GRIP1: variants seen among roughly 807,000 people sequenced by gnomAD.
GRIP1 encodes glutamate receptor-interacting protein 1.
GRIP1 carries 45 observed loss-of-function variants against 129.9 expected under a neutral mutation model. That is an observed-to-expected ratio of 0.35 (90% confidence interval 0.27 to 0.44). GRIP1 has a LOEUF of 0.44. Among genes scored for constraint, GRIP1 ranks in the 20% least tolerant of loss-of-function variants. The probability of loss-of-function intolerance (pLI) is 1.00; values close to 1 mark genes in which losing one functional copy is unlikely to be tolerated. For missense variants in GRIP1, 1,196 were observed against 1,396.8 expected (o/e 0.86, Z 2.29); for synonymous variants, 530 against 520.8 (o/e 1.02, Z -0.24).
rs1044214336 is a variant in GRIP1, at chr12:66,916,419, G to A, written c.58+152631C>T. Among the ~76,000 whole-genome samples, 7 of 152,132 alleles carry A rather than the reference G, an allele frequency of 4.6e-5. No individual in the cohort carries two copies. In the East Asian group the frequency reaches 1.4e-3, roughly 29 times the overall value. ...TTTATGCCTAATCAGGTTTAGGCAT[G>A]TAGAATTCAGCTCTCCTGGGAAGTC... On this transcript the variant is annotated intron_variant, in intron 1 of 1. Coordinates refer to the GRIP1 transcript ENST00000643019.
chr12:66,587,826 G>A (rs1019572911), intron 2 of GRIP1, among the ~76,000 whole-genome samples: 3 of 152,150 alleles, frequency 2.0e-5, no homozygotes, highest in Non-Finnish European at 4.4e-5. Flanking sequence ...GGTTCCAGGG[G>A]TGCAATCAAA....
intron 5 of GRIP1, among the ~76,000 whole-genome samples, chr12:66,528,904 A>G (rs1203105550): frequency 1.3e-5 from 2 of 152,180 alleles, no homozygotes; most frequent in Non-Finnish European, 2.9e-5. Flanking sequence ...CCAACAAAGG[A>G]CTAATATCCA....
chr12:66,491,241 A>C (rs2060096189), intron 7 of GRIP1, among the ~76,000 whole-genome samples: 1 of 152,254 alleles, frequency 6.6e-6, no homozygotes. Context: ...AGACTGGATA[A>C]AGAAAATGTG....
intron 1 of GRIP1, among the ~76,000 whole-genome samples, chr12:66,776,921 CATT>C (rs1455341074): frequency 6.6e-6 from 1 of 152,106 alleles, no homozygotes; most frequent in African/African-American, 2.4e-5. Context: ...TTGTAGCTGT[CATT>C]ATTAGGAATT....
At chr12:66,521,628 TCACTAGGG>T (rs757941193) in intron 5 of GRIP1, among the ~76,000 whole-genome samples, 29 of 152,142 alleles carry the variant, frequency 1.9e-4, no homozygotes, top group Admixed American at 3.9e-4. Flanking sequence ...CAGGTTCATC[TCACTAGGG>T]AGTGCCAGAC....
At chr12:66,911,279 T>C (rs1040051572) in intron 1 of GRIP1, among the ~76,000 whole-genome samples, 4 of 152,218 alleles carry the variant, frequency 2.6e-5, no homozygotes, top group Non-Finnish European at 5.9e-5. Flanking sequence ...TGGTTGATTA[T>C]GCTTTTAACA....
intron 1 of GRIP1, among the ~76,000 whole-genome samples, chr12:66,719,938 G>A (rs1261797280): frequency 6.6e-6 from 1 of 152,170 alleles, no homozygotes; most frequent in Non-Finnish European, 1.5e-5. Context: ...ATCACACAAT[G>A]AGTTTGGAGC....
At chr12:66,643,999 CT>C (rs1159260213) in intron 1 of GRIP1, among the ~76,000 whole-genome samples, 4 of 152,090 alleles carry the variant, frequency 2.6e-5, no homozygotes, top group African/African-American at 9.7e-5. Context: ...TCCCATATGG[CT>C]GGGGAGGCCT....
chr12:66,978,755 C>A (rs1055619804), intron 1 of GRIP1, among the ~76,000 whole-genome samples: 11 of 152,176 alleles, frequency 7.2e-5, no homozygotes, highest in Non-Finnish European at 1.6e-4. Flanking sequence ...AAACAAAAAA[C>A]TATTTTAAAA....
intron 13 of GRIP1, among the ~76,000 whole-genome samples, chr12:66,440,411 TC>T (rs1807476035): frequency 6.6e-6 from 1 of 152,208 alleles, no homozygotes; most frequent in African/African-American, 2.4e-5. Flanking sequence ...TCTTATTCAT[TC>T]TTTCCAAATT....
At chr12:66,936,610 A>T (rs1487096851) in intron 1 of GRIP1, among the ~76,000 whole-genome samples, 2 of 152,038 alleles carry the variant, frequency 1.3e-5, no homozygotes, top group Non-Finnish European at 2.9e-5. Context: ...GAATTATCAA[A>T]CCTGAGGGAA....
intron 1 of GRIP1, among the ~76,000 whole-genome samples, chr12:66,896,428 A>G (rs938968751): frequency 6.6e-6 from 1 of 151,590 alleles, no homozygotes. Flanking sequence ...CTTCAATGGG[A>G]ACTGAAAGTC....
intron 1 of GRIP1, among the ~76,000 whole-genome samples, chr12:66,834,241 G>C (rs1214245859): frequency 6.7e-6 from 1 of 150,140 alleles, no homozygotes; most frequent in Non-Finnish European, 1.5e-5. Context: ...AGACTAATGA[G>C]TTAGGTATTA....
chr12:66,891,037 T>G lies in GRIP1; in HGVS notation c.58+178013A>C, dbSNP rs544029165. ...TTATTCTAAAATTACATAGTGCATT[T>G]AAACAGCAATTTTATAATTGTTATA... On this transcript the variant is annotated intron_variant, in intron 1 of 1. Transcript: ENST00000643019. Among the ~76,000 whole-genome samples, 16 of 152,358 alleles carry G rather than the reference T, an allele frequency of 1.1e-4. 1 individual carries two copies. Among genetic ancestry groups the G allele is most frequent in the Admixed American group, 1.0e-3 (16 of 15,300 alleles).
In GRIP1 at chr12:66,882,280, T is replaced by C. The variant is rs149965342; in HGVS notation, c.58+186770A>G. 1.0e-4 allele frequency among the ~76,000 whole-genome samples: 15 copies of C among 150,574 alleles called. No individual in the cohort carries two copies. The East Asian group carries it at 2.9e-3, about 29-fold the overall frequency. On this transcript the variant is annotated intron_variant, in intron 1 of 1. Transcript: ENST00000643019. ...TACAGCATCTGAGCCAATGCAATGC[T>C]AGGGATAATTTTAAAAGGGGACTTT...
chr12:66,452,068 A>G (rs1008338327), intron 11 of GRIP1, among the ~76,000 whole-genome samples: 8 of 152,234 alleles, frequency 5.3e-5, no homozygotes, highest in Admixed American at 3.3e-4. Context: ...AATGTGTTCT[A>G]ACTTCTACTC....
intron 1 of GRIP1, among the ~76,000 whole-genome samples, chr12:67,015,131 G>A (rs1399932461): frequency 2.0e-5 from 3 of 152,078 alleles, no homozygotes; most frequent in Non-Finnish European, 2.9e-5. Flanking sequence ...GAAAAAAAGC[G>A]AGGAAGACGT....
chr12:66,952,238 C>T (rs1738760255), intron 1 of GRIP1, among the ~76,000 whole-genome samples: 1 of 151,866 alleles, frequency 6.6e-6, no homozygotes, highest in Non-Finnish European at 1.5e-5. Flanking sequence ...AAACCATGAG[C>T]CAAAGTCAAG....
chr12:66,765,210 T>C (rs1347024672), intron 1 of GRIP1, among the ~76,000 whole-genome samples: 1 of 152,134 alleles, frequency 6.6e-6, no homozygotes, highest in South Asian at 2.1e-4. Context: ...TGATATTTCC[T>C]AGATTCTGAA....
Sources: gnomAD v4.1 joint callset for allele counts (sites outside exome capture counted in the v4.1 genomes callset) on GRCh38, gnomAD v4.1.1 for gene constraint, MANE v1.5 for transcripts, NCBI Gene and HGNC (gene_info 2026-07-23, HGNC 2026-07-21) for gene names.